Variants in CTNND2 observed in about 807,000 individuals in gnomAD.
The protein encoded by CTNND2 is catenin delta-2.
A neutral mutation model predicts 144.4 loss-of-function variants in CTNND2; 22 were observed. The ratio of observed to expected loss-of-function variants is 0.15; its 90% CI spans 0.11 to 0.22. The LOEUF is 0.22. Among genes scored for constraint, CTNND2 ranks in the 10% least tolerant of loss-of-function variants. CTNND2 has a pLI of 1.00. For synonymous variants in CTNND2, 751 were observed against 695.6 expected (o/e 1.08, Z -1.25); for missense variants, 1,353 against 1,618.8 (o/e 0.84, Z 2.82).
At chr5:11,084,007 A>G in intron 15 of CTNND2, 1 of 990,696 alleles carries the variant, frequency 1.0e-6, no homozygotes, top group Non-Finnish European at 1.2e-6. Flanking sequence ...CTACATTAGA[A>G]ATCACATTCA....
intron 2 of CTNND2, among the ~76,000 whole-genome samples, chr5:11,675,530 AC>A (rs1245912593): frequency 1.3e-5 from 2 of 150,284 alleles, no homozygotes; most frequent in Admixed American, 6.6e-5. Context: ...GTGTAACCTG[AC>A]CCCCCTCCAA....
At chr5:11,883,973 G>T in intron 1 of CTNND2, among the ~76,000 whole-genome samples, 1 of 152,198 alleles carries the variant, frequency 6.6e-6, no homozygotes, top group East Asian at 1.9e-4. Context: ...CCACATAAAT[G>T]TCTTCTTTTG....
intron 3 of CTNND2, among the ~76,000 whole-genome samples, chr5:11,443,356 G>A (rs1476873149): frequency 1.9e-5 from 1 of 53,934 alleles, no homozygotes; most frequent in Non-Finnish European, 3.2e-5. Flanking sequence ...TGTGTGGGAG[G>A]GTGTGTGGGG....
At chr5:11,016,123 A>G (rs563508375) in intron 18 of CTNND2, among the ~76,000 whole-genome samples, 1 of 152,322 alleles carries the variant, frequency 6.6e-6, no homozygotes, top group Admixed American at 6.5e-5. Context: ...AAACCCATGT[A>G]TAAGGAGGGC....
At chr5:11,743,293 A>G (rs1417830090) in intron 1 of CTNND2, among the ~76,000 whole-genome samples, 1 of 152,200 alleles carries the variant, frequency 6.6e-6, no homozygotes, top group Non-Finnish European at 1.5e-5. Context: ...CATTAGGAGC[A>G]TTTCTCTATG....
At chr5:10,979,834 G>A (rs1579931183) in intron 21 of CTNND2, among the ~76,000 whole-genome samples, 2 of 152,140 alleles carry the variant, frequency 1.3e-5, no homozygotes, top group African/African-American at 4.8e-5. Context: ...ATGTTGTTGG[G>A]AAAACTAGCT....
At chr5:11,735,551 G>A (rs530957390) in intron 1 of CTNND2, among the ~76,000 whole-genome samples, 19 of 152,254 alleles carry the variant, frequency 1.2e-4, no homozygotes, top group African/African-American at 3.4e-4. Context: ...TATGTCCCCC[G>A]ACAAATCTCA....
At chr5:11,872,328 G>A (rs1582040837) in intron 1 of CTNND2, among the ~76,000 whole-genome samples, 1 of 152,184 alleles carries the variant, frequency 6.6e-6, no homozygotes, top group East Asian at 1.9e-4. Context: ...ATTGTGAATA[G>A]CGCTGCAATA....
chr5:11,210,902 C>T (rs1272068683), intron 10 of CTNND2, among the ~76,000 whole-genome samples: 6 of 152,146 alleles, frequency 3.9e-5, no homozygotes, highest in Admixed American at 6.5e-5. Flanking sequence ...GTCAAGGAAC[C>T]TGTGGAGTCA....
chr5:11,879,802 G>A (rs1027031761), intron 1 of CTNND2, among the ~76,000 whole-genome samples: 1 of 152,160 alleles, frequency 6.6e-6, no homozygotes, highest in South Asian at 2.1e-4. Context: ...TCTATGATGT[G>A]GGTAGGGCTG....
intron 2 of CTNND2, among the ~76,000 whole-genome samples, chr5:11,690,990 G>A (rs141173979): frequency 1.8e-3 from 272 of 152,282 alleles, no homozygotes; most frequent in Middle Eastern, 6.8e-3. Context: ...AATGAGAGCT[G>A]CATTGTTTTG....
chr5:11,817,982 T>TG, intron 1 of CTNND2, among the ~76,000 whole-genome samples: 1 of 12,626 alleles, frequency 7.9e-5, no homozygotes, highest in Non-Finnish European at 2.1e-4. Flanking sequence ...TTATGAGGTG[T>TG]TTTTTTTTTT....
chr5:11,812,518 C>T lies in CTNND2; in HGVS notation c.38-80246G>A, dbSNP rs116316665. Among the ~76,000 whole-genome samples the T allele has an allele frequency of 6.5e-3, 983 of 152,186 alleles. 20 individuals carry two copies. The highest frequency in any genetic ancestry group is 0.022 in the African/African-American group (931 of 41,516). On this transcript the variant is annotated intron_variant, in intron 1 of 21. Transcript: ENST00000304623. ...CTTTTCTATCCCATTTGTTAATGGC[C>T]ATGAGTTTGCATCGAATTGCTTGGC...
intron 3 of CTNND2, among the ~76,000 whole-genome samples, chr5:11,428,647 T>C (rs1763003051): frequency 6.6e-6 from 1 of 152,254 alleles, no homozygotes; most frequent in Non-Finnish European, 1.5e-5. Flanking sequence ...TGTTCACAAA[T>C]GGAGGTCAGC....
intron 3 of CTNND2, among the ~76,000 whole-genome samples, chr5:11,421,051 C>A (rs1367139411): frequency 6.6e-6 from 1 of 152,100 alleles, no homozygotes; most frequent in African/African-American, 2.4e-5. Context: ...CCACTTCTGA[C>A]CAAACTGGCT....
In CTNND2 at chr5:11,610,560, C is replaced by G. The variant is rs139116614; in HGVS notation, c.175-45504G>C. Among the ~76,000 whole-genome samples the G allele has an allele frequency of 3.2e-3, 484 of 152,252 alleles. 3 individuals carry two copies. The highest frequency in any genetic ancestry group is 0.011 in the African/African-American group (457 of 41,538). On this transcript the variant is annotated intron_variant, in intron 2 of 21. Transcript: ENST00000304623. ...TTCACCCTCAGCCCAGGGAACCCAC[C>G]GTCCAATAAGACACTCTCCTCCACC...
intron 11 of CTNND2, among the ~76,000 whole-genome samples, chr5:11,165,884 A>G (rs1759273842): frequency 6.6e-6 from 1 of 152,184 alleles, no homozygotes; most frequent in Non-Finnish European, 1.5e-5. Context: ...GGTTAAAAAA[A>G]CCCCAGATGA....
chr5:11,867,738 T>C (rs1795840983), intron 1 of CTNND2, among the ~76,000 whole-genome samples: 1 of 152,078 alleles, frequency 6.6e-6, no homozygotes, highest in African/African-American at 2.4e-5. Flanking sequence ...AGCAAATCAG[T>C]GATAAAGCTG....
intron 1 of CTNND2, among the ~76,000 whole-genome samples, chr5:11,808,646 C>T (rs1024730160): frequency 2.0e-5 from 3 of 152,164 alleles, no homozygotes; most frequent in Non-Finnish European, 4.4e-5. Flanking sequence ...TCTCCTGCAT[C>T]TGCTTTCTTT....
Sources: allele counts gnomAD v4.1 joint callset (sites outside exome capture counted in the v4.1 genomes callset), GRCh38; gene constraint gnomAD v4.1.1; transcripts MANE v1.5; gene names NCBI Gene and HGNC (gene_info 2026-07-23, HGNC 2026-07-21).